Variants in KRT4 observed in about 807,000 individuals in gnomAD.
KRT4 encodes keratin, type II cytoskeletal 4.
Under a neutral mutation model 50.6 loss-of-function variants are expected in KRT4, and 47 were observed. The observed-to-expected ratio is 0.93, with a 90% CI of 0.73 to 1.18. The LOEUF (loss-of-function observed/expected upper bound fraction) is 1.18, where lower values mean the gene tolerates loss of function less well. Ranked by LOEUF, KRT4 falls within the 50% of genes most tolerant of loss-of-function variation. KRT4 has a pLI of 0.00. For missense variants in KRT4, 651 were observed against 645.7 expected (o/e 1.01, Z -0.09); for synonymous variants, 254 against 251.2 (o/e 1.01, Z -0.10).
chr12:52,807,272 C>A, intron 8 of KRT4, 22 bp from the exon 9 acceptor site: 2 of 1,614,134 alleles, frequency 1.2e-6, no homozygotes, highest in East Asian at 2.2e-5. Flanking sequence ...ACACAAAAGA[C>A]ACAGTTATTC....
Position 52,806,981 on chromosome 12 carries a change from A to T in KRT4, c.*88T>A, listed in dbSNP as rs1352756035. On this transcript the variant is annotated 3_prime_UTR_variant, in exon 9 of 9. Transcript: ENST00000551956. ...GATACTAGTAAGATGAGCCCCAGAG[A>T]CAGAGGATGGAGGTGAAGTGAAGGA... The T allele has an allele frequency of 7.8e-7, 1 of 1,275,806 alleles. No homozygotes were observed. Among genetic ancestry groups the T allele is most frequent in the Non-Finnish European group, 1.1e-6 (1 of 878,096 alleles). The allele number at this position is 1,275,806 out of a possible 1,614,324, so 79.0% of individuals were successfully genotyped here.
intron 5 of KRT4, 86 bp downstream of exon 5, chr12:52,808,600 G>C (rs984882742): frequency 6.6e-7 from 1 of 1,526,444 alleles, no homozygotes; most frequent in African/African-American, 1.4e-5. Context: ...CTTCTATTGG[G>C]CTTGAGCTAA....
intron 6 of KRT4, 127 bp downstream of exon 6, chr12:52,808,167 A>G: frequency 1.6e-6 from 2 of 1,263,638 alleles, no homozygotes; most frequent in African/African-American, 1.5e-5. Context: ...CCTTGCACAA[A>G]GAGCTATGAA....
rs1298637035 is a variant in KRT4, at chr12:52,808,323, G to T, written c.1096C>A (p.Arg366=). 6.2e-7 allele frequency: 1 copy of T among 1,613,970 alleles called. No homozygotes were observed. The highest frequency in any genetic ancestry group is 8.5e-7 in the Non-Finnish European group (1 of 1,180,014). Residue 366 remains arginine (R), a synonymous_variant, in exon 6 of 9, where the codon CGG becomes AGG. Coordinates refer to ENST00000551956, the MANE Select transcript of KRT4 (RefSeq NM_002272.4). ...TTCTTGATGTTCTCGATCTCTGCCC[G>T]CAGCCTCTGGATCATCCTGTTGAGC... is the stretch of plus-strand genomic sequence containing the variant. ...AELNRMIQRL[R]AEIENIKKQC... is the part of the protein sequence containing the mutation.
Position 52,806,778 on chromosome 12 carries a change from C to G in KRT4, c.*291G>C, listed in dbSNP as rs1939803263. On this transcript the variant is annotated 3_prime_UTR_variant, in exon 9 of 9. Coordinates refer to ENST00000551956, the MANE Select transcript of KRT4 (RefSeq NM_002272.4). ...GACCCCAATAATTCTGGAGATGACA[C>G]TCCTGGTCATTTTCTTCTCTGTCCA... The G allele has an allele frequency of 2.0e-6, 1 of 494,816 alleles. No homozygotes were observed. The highest frequency in any genetic ancestry group is 3.3e-5 in the Admixed American group (1 of 30,750). 30.7% of individuals were successfully genotyped at this position (494,816 alleles called of 1,614,324 possible).
Position 52,807,674 on chromosome 12 carries a change from T to A in KRT4, c.1316A>T (p.Tyr439Phe). The A allele has an allele frequency of 6.2e-7, 1 of 1,614,002 alleles. No individual in the cohort carries two copies. Residue 439 changes from tyrosine (Y) to phenylalanine (F), a missense_variant, in exon 7 of 9, where the codon TAC becomes TTC. Physicochemically the swap from Tyr to Phe is conservative, Grantham distance 22. Coordinates refer to ENST00000551956, the MANE Select transcript of KRT4 (RefSeq NM_002272.4). The part of the protein sequence containing the change: ...KLALDIEIAT[Y>F]RKLLEGEEYR... ...CTCCTCGCCCTCCAGCAGTTTGCGGTAGGTGGCGATCTCGATGTCCAAGGC... is the reference window on the plus strand; with the variant it reads ...CTCCTCGCCCTCCAGCAGTTTGCGGAAGGTGGCGATCTCGATGTCCAAGGC...
rs1322272419 is a variant in KRT4 at position 52,808,409 on chromosome 12, AGCT to A, written c.1007_1009del (p.Gln336del). The A allele has an allele frequency of 3.7e-6, 6 of 1,613,856 alleles. No individual in the cohort carries two copies. The highest frequency in any genetic ancestry group is 5.1e-6 in the Non-Finnish European group (6 of 1,180,016). Reference sequence around the variant, plus strand: ...ACCATGTTGGTCAACCGAGATCTGGAGCTGCTGGACCTAAGACTCAAGAAGACA... The same window carrying A: ...ACCATGTTGGTCAACCGAGATCTGGAGCTGGACCTAAGACTCAAGAAGACA... On this transcript the variant is annotated inframe_deletion, in exon 6 of 9. Transcript: ENST00000551956.
At position 52,806,999 on chromosome 12, in the gene KRT4, G is replaced by T; in HGVS notation, c.*70C>A. 2 of 1,459,722 alleles carry T rather than the reference G, an allele frequency of 1.4e-6. No homozygotes were observed. Among genetic ancestry groups the T allele is most frequent in the Non-Finnish European group, 1.9e-6 (2 of 1,041,404 alleles). The allele number at this position is 1,459,722 out of a possible 1,614,324, so 90.4% of individuals were successfully genotyped here. Reference sequence around the variant, plus strand: ...CCCAGAGACAGAGGATGGAGGTGAAGTGAAGGAAGCACAGAGACACCAGTG... The same window carrying T: ...CCCAGAGACAGAGGATGGAGGTGAATTGAAGGAAGCACAGAGACACCAGTG... On this transcript the variant is annotated 3_prime_UTR_variant, in exon 9 of 9. Transcript: ENST00000551956.
chr12:52,809,494 G>A lies in KRT4; in HGVS notation c.739-16C>T, dbSNP rs1202093567. On this transcript the variant is annotated splice_polypyrimidine_tract_variant and intron_variant, in intron 3 of 8. Coordinates refer to ENST00000551956, the MANE Select transcript of KRT4 (RefSeq NM_002272.4). ...CATCCACGTCCTGCAGAGGAGTAAG[G>A]AGGATAAGAGATGAGGAGCAGGAAT... 6.3e-7 allele frequency: 1 copy of A among 1,582,932 alleles called. No individual in the cohort carries two copies. The highest frequency in any genetic ancestry group is 1.1e-5 in the South Asian group (1 of 90,492).
Position 52,808,377 on chromosome 12 carries a change from G to A in KRT4, c.1042C>T (p.Leu348=), listed in dbSNP as rs369791779. The change falls in exon 6 of 9, where the codon CTG becomes TTG. Residue 348 remains leucine, a synonymous_variant. Coordinates refer to ENST00000551956, the MANE Select transcript of KRT4 (RefSeq NM_002272.4). ...QISVDQHGDN[L]KNTKSEIAEL... is the part of the protein sequence containing the mutation. ...GCAATTTCACTCTTGGTGTTCTTCAGGTTGTCACCATGTTGGTCAACCGAG... is the reference window on the plus strand; with the variant it reads ...GCAATTTCACTCTTGGTGTTCTTCAAGTTGTCACCATGTTGGTCAACCGAG... The A allele has an allele frequency of 7.9e-5, 128 of 1,613,978 alleles. No individual in the cohort carries two copies. Among genetic ancestry groups the A allele is most frequent in the Non-Finnish European group, 1.1e-4 (124 of 1,180,032 alleles).
intron 4 of KRT4, 139 bp from the exon 5 acceptor site, chr12:52,808,989 G>C (rs1244549649): frequency 1.1e-6 from 1 of 923,180 alleles, no homozygotes; most frequent in Non-Finnish European, 1.7e-6. Flanking sequence ...AAATCAAGTG[G>C]TTGTGACAGT....
chr12:52,810,806 C>G lies in KRT4; in HGVS notation c.688G>C (p.Glu230Gln). Residue 230 changes from glutamate to glutamine, a missense_variant, in exon 3 of 9, where the codon GAG (glutamate) becomes CAG (glutamine). Transcript: ENST00000551956. ...VEDFKTKYEE[E>Q]INKRTAAEND... ...TCGGCTGCTGTGCGTTTGTTGATCT[C>G]CTCTTCATACCTGGGGGTGGGCACG... 6.2e-7 allele frequency: 1 copy of G among 1,614,014 alleles called. No individual in the cohort carries two copies. The highest frequency in any genetic ancestry group is 8.5e-7 in the Non-Finnish European group (1 of 1,179,874).
intron 4 of KRT4, 88 bp from the exon 5 acceptor site, chr12:52,808,938 CA>C: frequency 7.1e-7 from 1 of 1,403,838 alleles, no homozygotes; most frequent in Non-Finnish European, 1.0e-6. Context: ...CTGGCATTCA[CA>C]ATGTGTAGGA....
intron 8 of KRT4, 40 bp from the exon 9 acceptor site, chr12:52,807,290 G>A (rs1344435856): frequency 2.5e-6 from 4 of 1,614,146 alleles, no homozygotes; most frequent in Admixed American, 3.3e-5. Flanking sequence ...TTCCAATGCT[G>A]CCAGCACCCC....
chr12:52,809,431 C>G lies in KRT4; in HGVS notation c.786G>C (p.Val262=). Residue 262 remains valine (V), a synonymous_variant, in exon 4 of 9, where the codon GTG becomes GTC. Coordinates refer to ENST00000551956, the MANE Select transcript of KRT4 (RefSeq NM_002272.4). ...AGTTGATCTCGTCATTAAGACTGTC[C>G]ACCTTGGCCTCCAACTCCACCTTGT... ...YLNKVELEAK[V]DSLNDEINFL... 1 of 1,614,124 alleles carries G rather than the reference C, an allele frequency of 6.2e-7. No individual in the cohort carries two copies. Among genetic ancestry groups the G allele is most frequent in the South Asian group, 1.1e-5 (1 of 91,072 alleles).
intron 7 of KRT4, 69 bp downstream of exon 7, chr12:52,807,575 G>A (rs1939822275): frequency 1.3e-6 from 2 of 1,559,204 alleles, no homozygotes. Context: ...CAGCCCGGCA[G>A]AGGCATAAAT....
rs1939803219 is a variant in KRT4 at position 52,806,774 on chromosome 12, G to A, written c.*295C>T. On this transcript the variant is annotated 3_prime_UTR_variant, in exon 9 of 9. Transcript: ENST00000551956. ...ATGTGACCCCAATAATTCTGGAGAT[G>A]ACACTCCTGGTCATTTTCTTCTCTG... The A allele has an allele frequency of 4.1e-6, 2 of 485,160 alleles. No homozygotes were observed. The highest frequency in any genetic ancestry group is 7.6e-6 in the Non-Finnish European group (2 of 264,340). The allele number at this position is 485,160 out of a possible 1,614,324, so 30.1% of individuals were successfully genotyped here.
chr12:52,811,799 T>C lies in KRT4; in HGVS notation c.641A>G (p.Lys214Arg). The C allele has an allele frequency of 1.2e-6, 2 of 1,613,894 alleles. No homozygotes were observed. The highest frequency in any genetic ancestry group is 1.7e-6 in the Non-Finnish European group (2 of 1,180,028). ...NDKGRLQSEL[K>R]TMQDSVEDFK... is the part of the protein sequence containing the mutation. ...GTCCTCCACGCTGTCCTGCATGGTC[T>C]TCAGCTCAGACTGCAGGCGCCCTTT... Residue 214 changes from lysine (K) to arginine (R), a missense_variant, in exon 2 of 9, where the codon AAG (lysine) becomes AGG (arginine). By Grantham distance (26) the Lys-to-Arg change is conservative (BLOSUM62 2). Coordinates refer to ENST00000551956, the MANE Select transcript of KRT4 (RefSeq NM_002272.4).
chr12:52,810,595 C>T (rs1428011530), intron 3 of KRT4, among the ~76,000 whole-genome samples, 161 bp downstream of exon 3: 1 of 151,940 alleles, frequency 6.6e-6, no homozygotes, highest in Admixed American at 6.6e-5. Context: ...TTTCTTAGAA[C>T]CTGGTTTGGT....
Sources: allele counts gnomAD v4.1 joint callset (sites outside exome capture counted in the v4.1 genomes callset), GRCh38; gene constraint gnomAD v4.1.1; transcripts MANE v1.5; gene names NCBI Gene and HGNC (gene_info 2026-07-23, HGNC 2026-07-21).